PRTFDC1: variants seen among roughly 807,000 people sequenced by gnomAD.
The protein encoded by PRTFDC1 is phosphoribosyl transferase domain containing 1, also known as phosphoribosyltransferase domain-containing protein 1.
PRTFDC1 carries 38 observed loss-of-function variants against 34.6 expected under a neutral mutation model. The ratio of observed to expected loss-of-function variants is 1.10; its 90% CI spans 0.85 to 1.44. PRTFDC1 has a LOEUF of 1.44. PRTFDC1 is among the 40% of genes most tolerant of loss of function. PRTFDC1 has a pLI of 0.00. For synonymous variants in PRTFDC1, 93 were observed against 98.1 expected (o/e 0.95, Z 0.31); for missense variants, 270 against 283.0 (o/e 0.95, Z 0.33).
chr10:24,887,502 C>T (rs1347864183), intron 3 of PRTFDC1, among the ~76,000 whole-genome samples: 3 of 152,068 alleles, frequency 2.0e-5, no homozygotes, highest in Non-Finnish European at 4.4e-5. Context: ...TCCTTGCTGC[C>T]ACCATGTGAA....
intron 3 of PRTFDC1, among the ~76,000 whole-genome samples, chr10:24,904,464 G>A (rs1848500332): frequency 6.6e-6 from 1 of 152,076 alleles, no homozygotes; most frequent in Admixed American, 6.5e-5. Flanking sequence ...AGTACGAAAG[G>A]GCTCCTGCAA....
chr10:24,929,382 T>C (rs932229659), intron 3 of PRTFDC1, among the ~76,000 whole-genome samples: 1 of 152,072 alleles, frequency 6.6e-6, no homozygotes, highest in Non-Finnish European at 1.5e-5. Flanking sequence ...GGGGCCCACA[T>C]CCCCTGTGTG....
chr10:24,912,406 T>C (rs1444377452), intron 3 of PRTFDC1, among the ~76,000 whole-genome samples: 1 of 151,428 alleles, frequency 6.6e-6, no homozygotes, highest in Non-Finnish European at 1.5e-5. Flanking sequence ...CAACAACTGT[T>C]CCTATCTGAC....
At chr10:24,917,164 C>T (rs1019309212) in intron 3 of PRTFDC1, among the ~76,000 whole-genome samples, 4 of 152,162 alleles carry the variant, frequency 2.6e-5, no homozygotes, top group Non-Finnish European at 5.9e-5. Context: ...GATTTCCTCC[C>T]ATAATCTACT....
In PRTFDC1 at chr10:24,849,820, CTT is replaced by C. The variant is rs1207713311; in HGVS notation, c.*22_*23del. The C allele has an allele frequency of 3.7e-6, 6 of 1,611,954 alleles. No individual in the cohort carries two copies. The African/African-American group carries it at 8.0e-5, about 21-fold the overall frequency. On this transcript the variant is annotated 3_prime_UTR_variant, in exon 9 of 9. Coordinates refer to ENST00000320152, the MANE Select transcript of PRTFDC1 (RefSeq NM_020200.7). ...GGCGTAAATATGATGCTATCTGGGA[CTT>C]TAGTGGTGAGAATTCATGTCTTTAG...
chr10:24,855,589 TCAAGACCAGTCTGGG>T (rs1480020986), intron 6 of PRTFDC1, among the ~76,000 whole-genome samples: 1 of 152,034 alleles, frequency 6.6e-6, no homozygotes, highest in African/African-American at 2.4e-5. Flanking sequence ...AGCCCAGAGT[TCAAGACCAGTCTGGG>T]CAACATAGCG....
At chr10:24,903,648 T>C (rs572849307) in intron 3 of PRTFDC1, among the ~76,000 whole-genome samples, 1 of 152,004 alleles carries the variant, frequency 6.6e-6, no homozygotes, top group East Asian at 1.9e-4. Flanking sequence ...GAGCTGGTCT[T>C]CTGGTTTGAT....
intron 4 of PRTFDC1, among the ~76,000 whole-genome samples, chr10:24,867,187 A>C (rs1847795246): frequency 6.6e-6 from 1 of 152,112 alleles, no homozygotes; most frequent in Non-Finnish European, 1.5e-5. Context: ...TAGGTGAGCT[A>C]TTTCCCCATG....
chr10:24,863,275 T>C (rs1169282297), intron 4 of PRTFDC1, among the ~76,000 whole-genome samples: 2 of 152,226 alleles, frequency 1.3e-5, no homozygotes, highest in African/African-American at 4.8e-5. Context: ...CTTAAAATGA[T>C]GCTAAATCAA....
intron 3 of PRTFDC1, among the ~76,000 whole-genome samples, chr10:24,898,874 G>A (rs1229131097): frequency 6.6e-6 from 1 of 152,114 alleles, no homozygotes; most frequent in Non-Finnish European, 1.5e-5. Flanking sequence ...TATAAGGAGG[G>A]GGAGCCTCAG....
Position 24,920,773 on chromosome 10 carries a change from T to C in PRTFDC1, c.339+16411A>G, listed in dbSNP as rs184201418. On this transcript the variant is annotated intron_variant, in intron 3 of 8. Transcript: ENST00000320152. ...TAGAGTAGTCTAACAGTACTGCTGA[T>C]GGAAAAATAACTATCCCTGAAAAAG... Among the ~76,000 whole-genome samples, 9 of 152,302 alleles carry C rather than the reference T, an allele frequency of 5.9e-5. No individual in the cohort carries two copies. In the East Asian group the frequency reaches 1.5e-3, roughly 26 times the overall value.
At chr10:24,853,825 T>C (rs1218090941) in intron 7 of PRTFDC1, among the ~76,000 whole-genome samples, 1 of 152,150 alleles carries the variant, frequency 6.6e-6, no homozygotes, top group African/African-American at 2.4e-5. Context: ...GACCTATCCT[T>C]AGCTGGTAAA....
At chr10:24,879,017 A>C (rs1848019585) in intron 3 of PRTFDC1, among the ~76,000 whole-genome samples, 1 of 152,204 alleles carries the variant, frequency 6.6e-6, no homozygotes, top group South Asian at 2.1e-4. Flanking sequence ...GAGATGCAAA[A>C]CAGAGTCAGA....
chr10:24,882,286 T>A (rs1294899316), intron 3 of PRTFDC1, among the ~76,000 whole-genome samples: 6 of 151,766 alleles, frequency 4.0e-5, no homozygotes, highest in African/African-American at 1.5e-4. Context: ...GGACTCCCCC[T>A]GGCTTCCTCT....
chr10:24,888,733 G>C (rs1848211555), intron 3 of PRTFDC1, among the ~76,000 whole-genome samples: 1 of 152,030 alleles, frequency 6.6e-6, no homozygotes, highest in Non-Finnish European at 1.5e-5. Context: ...AGAAAGAAAA[G>C]GTATCAATGT....
intron 4 of PRTFDC1, among the ~76,000 whole-genome samples, chr10:24,862,356 T>C (rs534108152): frequency 2.0e-5 from 3 of 151,358 alleles, no homozygotes; most frequent in Middle Eastern, 3.4e-3. Context: ...TTTTGCAGTA[T>C]AGGCATACCT....
chr10:24,904,504 A>G (rs1848501153), intron 3 of PRTFDC1, among the ~76,000 whole-genome samples: 1 of 152,134 alleles, frequency 6.6e-6, no homozygotes, highest in Non-Finnish European at 1.5e-5. Flanking sequence ...AGTCTTTGGG[A>G]CAGCATGTCA....
At position 24,880,147 on chromosome 10, in the gene PRTFDC1, A is replaced by G. The variant is rs537556322; in HGVS notation, c.340-8084T>C. Among the ~76,000 whole-genome samples the G allele has an allele frequency of 2.0e-5, 3 of 152,364 alleles. No homozygotes were observed. In the East Asian group the frequency reaches 5.8e-4, roughly 29 times the overall value. On this transcript the variant is annotated intron_variant, in intron 3 of 8. Coordinates refer to ENST00000320152, the MANE Select transcript of PRTFDC1 (RefSeq NM_020200.7). ...GAGCATAGGGAGGACTAAATGAATTAGTACGCATTAAGCACTTAGAAAAGT... is the reference window on the plus strand; with the variant it reads ...GAGCATAGGGAGGACTAAATGAATTGGTACGCATTAAGCACTTAGAAAAGT...
intron 3 of PRTFDC1, among the ~76,000 whole-genome samples, chr10:24,912,511 A>G (rs1359261965): frequency 6.6e-6 from 1 of 151,894 alleles, no homozygotes; most frequent in African/African-American, 2.4e-5. Context: ...AAATCTTCCC[A>G]TGTTCTCACA....
Sources: gnomAD v4.1 joint callset for allele counts (sites outside exome capture counted in the v4.1 genomes callset) on GRCh38, gnomAD v4.1.1 for gene constraint, MANE v1.5 for transcripts, NCBI Gene and HGNC (gene_info 2026-07-23, HGNC 2026-07-21) for gene names.